Variants in SH3GL2 observed in about 807,000 individuals in gnomAD.
The protein encoded by SH3GL2 is SH3 domain containing GRB2 like 2, endophilin A1, also known as endophilin-A1.
A neutral mutation model predicts 46.0 loss-of-function variants in SH3GL2; 24 were observed. The ratio of observed to expected loss-of-function variants is 0.52; its 90% CI spans 0.38 to 0.73. The LOEUF is 0.73. Among genes scored for constraint, SH3GL2 ranks in the 30% least tolerant of loss-of-function variants. The pLI, the probability that SH3GL2 is intolerant of heterozygous loss-of-function variation, is 0.00. For synonymous variants in SH3GL2, 196 were observed against 147.1 expected, an observed-to-expected ratio of 1.33 and a Z score of -2.40; for missense variants, 413 against 424.2, an observed-to-expected ratio of 0.97 and a Z score of 0.23.
chr9:17,689,135 C>T (rs190519819), intron 1 of SH3GL2, among the ~76,000 whole-genome samples: 1 of 152,136 alleles, frequency 6.6e-6, no homozygotes, highest in East Asian at 1.9e-4. Context: ...TGTGGTCTTC[C>T]TCCCTTAAAC....
At chr9:17,731,016 C>T (rs1822163744) in intron 1 of SH3GL2, among the ~76,000 whole-genome samples, 1 of 152,078 alleles carries the variant, frequency 6.6e-6, no homozygotes, top group Non-Finnish European at 1.5e-5. Flanking sequence ...CAGAGAGAGC[C>T]ATATGTTCTT....
rs759242531 is a variant in SH3GL2 at position 17,747,063 on chromosome 9, C to T, written c.46-3C>T. Reference sequence around the variant, plus strand: ...AATTCTCCTTTGTGGTTATTTTCTACAGAAAGTGAGTGAGAAGGTTGGAGG... The same window carrying T: ...AATTCTCCTTTGTGGTTATTTTCTATAGAAAGTGAGTGAGAAGGTTGGAGG... On this transcript the variant is annotated splice_region_variant and splice_polypyrimidine_tract_variant and intron_variant, in intron 1 of 8. Coordinates refer to ENST00000380607, the MANE Select transcript of SH3GL2 (RefSeq NM_003026.5). 8.8e-6 allele frequency: 14 copies of T among 1,589,672 alleles called. No individual in the cohort carries two copies. The highest frequency in any genetic ancestry group is 1.3e-5 in the African/African-American group (1 of 74,306).
chr9:17,690,557 G>T (rs1323359323), intron 1 of SH3GL2, among the ~76,000 whole-genome samples: 1 of 151,950 alleles, frequency 6.6e-6, no homozygotes, highest in Non-Finnish European at 1.5e-5. Context: ...TGTTGATGAG[G>T]CCCACCAAGC....
At chr9:17,615,296 C>A (rs1167640449) in intron 1 of SH3GL2, among the ~76,000 whole-genome samples, 1 of 152,126 alleles carries the variant, frequency 6.6e-6, no homozygotes, top group Non-Finnish European at 1.5e-5. Flanking sequence ...ACCTGTATTT[C>A]CTATGAATAA....
intron 1 of SH3GL2, among the ~76,000 whole-genome samples, chr9:17,734,226 G>T (rs1822261487): frequency 6.6e-6 from 1 of 152,068 alleles, no homozygotes; most frequent in Admixed American, 6.6e-5. Context: ...TTTTTGGAAA[G>T]TATCTTTGTT....
intron 1 of SH3GL2, among the ~76,000 whole-genome samples, chr9:17,654,279 C>A (rs1053009075): frequency 6.6e-6 from 1 of 152,168 alleles, no homozygotes; most frequent in African/African-American, 2.4e-5. Flanking sequence ...TTCATAATAT[C>A]GCTTTACTGT....
At chr9:17,775,038 A>T (rs886521038) in intron 3 of SH3GL2, among the ~76,000 whole-genome samples, 1 of 152,054 alleles carries the variant, frequency 6.6e-6, no homozygotes, top group East Asian at 1.9e-4. Flanking sequence ...GAGTTTGTCC[A>T]TTTCATTTAG....
chr9:17,725,482 T>C (rs1202965420), intron 1 of SH3GL2, among the ~76,000 whole-genome samples: 1 of 152,106 alleles, frequency 6.6e-6, no homozygotes, highest in Non-Finnish European at 1.5e-5. Context: ...AGGCGTGAAC[T>C]TCTCCCCTCT....
At chr9:17,612,188 G>C (rs1401053070) in intron 1 of SH3GL2, among the ~76,000 whole-genome samples, 1 of 152,174 alleles carries the variant, frequency 6.6e-6, no homozygotes, top group Non-Finnish European at 1.5e-5. Context: ...TCTGTGCACA[G>C]AAGGAACAGG....
intron 1 of SH3GL2, among the ~76,000 whole-genome samples, chr9:17,698,293 A>G (rs1821258996): frequency 6.6e-6 from 1 of 152,144 alleles, no homozygotes; most frequent in Admixed American, 6.5e-5. Flanking sequence ...TGACTCATAA[A>G]ATGGTCCAAG....
chr9:17,655,384 C>G (rs1489038978), intron 1 of SH3GL2, among the ~76,000 whole-genome samples: 2 of 152,104 alleles, frequency 1.3e-5, no homozygotes, highest in Admixed American at 1.3e-4. Context: ...TGGCTCCCCA[C>G]CCCTGCCCCC....
chr9:17,785,364 C>A (rs1255416286), intron 3 of SH3GL2, among the ~76,000 whole-genome samples: 2 of 152,116 alleles, frequency 1.3e-5, no homozygotes, highest in African/African-American at 4.8e-5. Flanking sequence ...TTGTAATATC[C>A]CTGGGACAGG....
At chr9:17,720,400 T>G (rs961513060) in intron 1 of SH3GL2, among the ~76,000 whole-genome samples, 1 of 152,128 alleles carries the variant, frequency 6.6e-6, no homozygotes, top group African/African-American at 2.4e-5. Context: ...TGAAAGAGCT[T>G]TGGCCTGCCT....
chr9:17,696,224 C>T (rs1821198933), intron 1 of SH3GL2, among the ~76,000 whole-genome samples: 2 of 152,022 alleles, frequency 1.3e-5, no homozygotes, highest in African/African-American at 4.8e-5. Context: ...TAAAATCTAG[C>T]TTTATAACTC....
In SH3GL2 at chr9:17,714,395, C is replaced by G. The variant is rs150026659; in HGVS notation, c.46-32671C>G. Among the ~76,000 whole-genome samples, 151 of 151,780 alleles carry G rather than the reference C, an allele frequency of 9.9e-4. No homozygotes were observed. In the East Asian group the frequency reaches 0.027, roughly 27 times the overall value. On this transcript the variant is annotated intron_variant, in intron 1 of 8. Coordinates refer to ENST00000380607, the MANE Select transcript of SH3GL2 (RefSeq NM_003026.5). ...ATATCTTTAGGTTTAAACCAGTCATCTTGTTATTTGCTTTCTATTTGTTTA... is the reference window on the plus strand; with the variant it reads ...ATATCTTTAGGTTTAAACCAGTCATGTTGTTATTTGCTTTCTATTTGTTTA...
chr9:17,706,212 A>G (rs1387385279), intron 1 of SH3GL2, among the ~76,000 whole-genome samples: 1 of 152,064 alleles, frequency 6.6e-6, no homozygotes, highest in Non-Finnish European at 1.5e-5. Flanking sequence ...TAGGGCCTGA[A>G]TCCCATGTCA....
chr9:17,765,882 G>A (rs1563845345), intron 3 of SH3GL2, among the ~76,000 whole-genome samples: 1 of 152,162 alleles, frequency 6.6e-6, no homozygotes, highest in Admixed American at 6.5e-5. Flanking sequence ...AACAGGCACT[G>A]GGATATTGGA....
intron 2 of SH3GL2, among the ~76,000 whole-genome samples, chr9:17,756,675 A>G (rs1037021256): frequency 3.3e-5 from 5 of 152,026 alleles, no homozygotes; most frequent in Non-Finnish European, 5.9e-5. Context: ...TTATGGCTGC[A>G]TAGTATTCCA....
intron 1 of SH3GL2, among the ~76,000 whole-genome samples, chr9:17,697,996 C>T (rs1038017423): frequency 6.6e-6 from 1 of 152,198 alleles, no homozygotes; most frequent in African/African-American, 2.4e-5. Flanking sequence ...TGTCTGTGTG[C>T]TTGTTCTTAT....
Sources: allele counts gnomAD v4.1 joint callset (sites outside exome capture counted in the v4.1 genomes callset), GRCh38; gene constraint gnomAD v4.1.1; transcripts MANE v1.5; gene names NCBI Gene and HGNC (gene_info 2026-07-23, HGNC 2026-07-21).